SLC25A48: variants seen among roughly 807,000 people sequenced by gnomAD.
The protein encoded by SLC25A48 is solute carrier family 25 member 48.
A neutral mutation model predicts 32.2 loss-of-function variants in SLC25A48; 29 were observed. That is an observed-to-expected ratio of 0.90 (90% CI 0.67 to 1.23). The LOEUF (loss-of-function observed/expected upper bound fraction) is 1.23. Among genes scored for constraint, SLC25A48 ranks in the 50% most tolerant of loss-of-function variants. The probability of loss-of-function intolerance (pLI) is 0.00; values close to 1 mark genes in which losing one functional copy is unlikely to be tolerated. For missense variants in SLC25A48, 399 were observed against 422.7 expected (o/e 0.94, Z 0.49); for synonymous variants, 164 against 172.3 (o/e 0.95, Z 0.38).
intron 1 of SLC25A48, among the ~76,000 whole-genome samples, chr5:135,602,279 T>G (rs1435069242): frequency 6.6e-6 from 1 of 152,236 alleles, no homozygotes; most frequent in Non-Finnish European, 1.5e-5. Context: ...CAATGTACTT[T>G]CCCCAAATCA....
intron 3 of SLC25A48, among the ~76,000 whole-genome samples, chr5:135,679,587 A>AT (rs946744193): frequency 2.6e-5 from 4 of 152,036 alleles, no homozygotes; most frequent in African/African-American, 4.8e-5. Flanking sequence ...CAGGAAGGGG[A>AT]TTTTTTCCTC....
At chr5:135,844,999 T>C (rs1334147405) in intron 2 of SLC25A48, among the ~76,000 whole-genome samples, 1 of 152,146 alleles carries the variant, frequency 6.6e-6, no homozygotes, top group African/African-American at 2.4e-5. Context: ...TGGTAAAAAT[T>C]TGAGGGTATG....
At chr5:135,818,092 T>TCTCTCTCTCC (rs1757779511) in intron 4 of SLC25A48, among the ~76,000 whole-genome samples, 4 of 146,208 alleles carry the variant, frequency 2.7e-5, no homozygotes, top group African/African-American at 1.0e-4. Flanking sequence ...TCTCTCTCTC[T>TCTCTCTCTCC]CTCTCTCTCT....
intron 1 of SLC25A48, among the ~76,000 whole-genome samples, chr5:135,587,710 G>A (rs1751401730): frequency 6.6e-6 from 1 of 152,148 alleles, no homozygotes; most frequent in Non-Finnish European, 1.5e-5. Flanking sequence ...TTCTTTCTTA[G>A]CAACTAGTCA....
chr5:135,587,598 C>T (rs1051108254), intron 1 of SLC25A48, among the ~76,000 whole-genome samples: 2 of 152,090 alleles, frequency 1.3e-5, no homozygotes, highest in African/African-American at 4.8e-5. Flanking sequence ...GAACAGGGTC[C>T]AAGGTGTTCC....
intron 3 of SLC25A48, among the ~76,000 whole-genome samples, chr5:135,638,143 T>C (rs946850367): frequency 5.3e-5 from 8 of 152,224 alleles, no homozygotes; most frequent in Non-Finnish European, 7.3e-5. Context: ...TGTATGCATT[T>C]TGATTCTACA....
chr5:135,800,281 A>G (rs1419581819), intron 3 of SLC25A48, among the ~76,000 whole-genome samples: 3 of 152,014 alleles, frequency 2.0e-5, no homozygotes, highest in South Asian at 2.1e-4. Context: ...TAGTCCAAAT[A>G]TAGCAAAGGG....
chr5:135,761,605 A>T (rs1756061787), intron 3 of SLC25A48, among the ~76,000 whole-genome samples: 1 of 152,008 alleles, frequency 6.6e-6, no homozygotes, highest in South Asian at 2.1e-4. Flanking sequence ...AAAATGATCT[A>T]CTCCAATGCA....
At chr5:135,663,112 A>G (rs1753443159) in intron 3 of SLC25A48, among the ~76,000 whole-genome samples, 1 of 152,120 alleles carries the variant, frequency 6.6e-6, no homozygotes, top group South Asian at 2.1e-4. Flanking sequence ...TGTTGCTAGG[A>G]ATTTTTCCAT....
chr5:135,869,472 T>C (rs1761475069), intron 4 of SLC25A48, among the ~76,000 whole-genome samples: 1 of 152,140 alleles, frequency 6.6e-6, no homozygotes, highest in South Asian at 2.1e-4. Flanking sequence ...TTGGTGGGTG[T>C]TTTCCCATCT....
At chr5:135,730,888 G>T (rs761272628) in intron 3 of SLC25A48, among the ~76,000 whole-genome samples, 1 of 152,218 alleles carries the variant, frequency 6.6e-6, no homozygotes, top group South Asian at 2.1e-4. Context: ...GGAAACTGAG[G>T]TTCAGAGGGG....
intron 4 of SLC25A48, among the ~76,000 whole-genome samples, chr5:135,858,415 A>T (rs980789024): frequency 6.6e-6 from 1 of 152,314 alleles, no homozygotes; most frequent in African/African-American, 2.4e-5. Flanking sequence ...CCGTGCCCCC[A>T]CAAGTTTCTG....
chr5:135,745,490 G>A (rs1400065507), intron 3 of SLC25A48, among the ~76,000 whole-genome samples: 1 of 152,082 alleles, frequency 6.6e-6, no homozygotes, highest in Non-Finnish European at 1.5e-5. Flanking sequence ...CCTGTTTATG[G>A]CCAGATGTGG....
chr5:135,699,280 C>T (rs371540300), intron 3 of SLC25A48, among the ~76,000 whole-genome samples: 2 of 152,024 alleles, frequency 1.3e-5, no homozygotes, highest in African/African-American at 4.8e-5. Context: ...AAGTGTTCAA[C>T]AGGAGAATAG....
intron 3 of SLC25A48, among the ~76,000 whole-genome samples, chr5:135,660,316 C>A (rs1753367214): frequency 6.6e-6 from 1 of 152,166 alleles, no homozygotes; most frequent in African/African-American, 2.4e-5. Context: ...AGTTCGATCA[C>A]CACCATAATC....
intron 3 of SLC25A48, among the ~76,000 whole-genome samples, chr5:135,715,986 T>A (rs938157831): frequency 6.6e-6 from 1 of 152,178 alleles, no homozygotes; most frequent in African/African-American, 2.4e-5. Flanking sequence ...CCTGTGAGAT[T>A]TGATTGTTTA....
At chr5:135,775,833 T>TG (rs1276162900) in intron 3 of SLC25A48, among the ~76,000 whole-genome samples, 1 of 151,574 alleles carries the variant, frequency 6.6e-6, no homozygotes, top group Non-Finnish European at 1.5e-5. Context: ...CCCAATATCG[T>TG]GGGGGTTGTA....
At chr5:135,757,257 A>C (rs1054104216) in intron 3 of SLC25A48, among the ~76,000 whole-genome samples, 21 of 149,906 alleles carry the variant, frequency 1.4e-4, no homozygotes, top group African/African-American at 4.3e-4. Flanking sequence ...TATTAATAAA[A>C]TATCACCTAT....
intron 3 of SLC25A48, among the ~76,000 whole-genome samples, chr5:135,714,265 A>G: frequency 6.6e-6 from 1 of 152,202 alleles, no homozygotes; most frequent in East Asian, 1.9e-4. Flanking sequence ...AGCCTGGACC[A>G]CAGGAATGTG....
Sources: gnomAD v4.1 joint callset for allele counts (sites outside exome capture counted in the v4.1 genomes callset) on GRCh38, gnomAD v4.1.1 for gene constraint, MANE v1.5 for transcripts, NCBI Gene and HGNC (gene_info 2026-07-23, HGNC 2026-07-21) for gene names.